Variants in PCDH9 observed in about 807,000 individuals in gnomAD.
The protein encoded by PCDH9 is protocadherin 9, also known as protocadherin-9.
Under a neutral mutation model 70.6 loss-of-function variants are expected in PCDH9, and 24 were observed. The observed-to-expected ratio is 0.34, with a 90% CI of 0.25 to 0.48. PCDH9 has a LOEUF of 0.48. Among genes scored for constraint, PCDH9 ranks in the 20% least tolerant of loss-of-function variants. The pLI, the probability that PCDH9 is intolerant of heterozygous loss-of-function variation, is 0.99. For synonymous variants in PCDH9, 562 were observed against 558.5 expected (o/e 1.01, Z -0.09); for missense variants, 1,281 against 1,503.6 (o/e 0.85, Z 2.45).
At chr13:66,670,764 A>G (rs1217773823) in intron 3 of PCDH9, among the ~76,000 whole-genome samples, 1 of 152,028 alleles carries the variant, frequency 6.6e-6, no homozygotes, top group Non-Finnish European at 1.5e-5. Context: ...TGATGTCCAT[A>G]TGTTATGGAT....
At chr13:66,874,942 T>TGTGTGAGAGA (rs533672911) in intron 3 of PCDH9, among the ~76,000 whole-genome samples, 1 of 109,934 alleles carries the variant, frequency 9.1e-6, no homozygotes, top group Non-Finnish European at 2.2e-5. Context: ...TGTGTGTGTG[T>TGTGTGAGAGA]GAGAGAGAGA....
At chr13:66,714,259 A>C (rs2078838989) in intron 3 of PCDH9, among the ~76,000 whole-genome samples, 1 of 151,958 alleles carries the variant, frequency 6.6e-6, no homozygotes, top group South Asian at 2.1e-4. Flanking sequence ...AGTTCAGGAG[A>C]TCGAGACCAT....
At chr13:66,787,105 G>T (rs533692677) in intron 3 of PCDH9, among the ~76,000 whole-genome samples, 1 of 152,220 alleles carries the variant, frequency 6.6e-6, no homozygotes, top group Non-Finnish European at 1.5e-5. Context: ...ATAAATTATG[G>T]ATTCCTAGTC....
intron 2 of PCDH9, among the ~76,000 whole-genome samples, chr13:67,063,061 A>C (rs899066130): frequency 6.6e-5 from 10 of 152,286 alleles, no homozygotes; most frequent in Middle Eastern, 3.4e-3. Context: ...CAGATTCTTA[A>C]TGGTTTAAAG....
At chr13:66,458,769 A>G (rs1332655045) in intron 4 of PCDH9, among the ~76,000 whole-genome samples, 1 of 152,022 alleles carries the variant, frequency 6.6e-6, no homozygotes, top group African/African-American at 2.4e-5. Context: ...AACCTTTCCT[A>G]TGAGAAAATA....
chr13:67,018,417 G>A (rs970772476), intron 2 of PCDH9, among the ~76,000 whole-genome samples: 4 of 151,964 alleles, frequency 2.6e-5, no homozygotes, highest in South Asian at 2.1e-4. Flanking sequence ...TCAAGAGATC[G>A]AGACCATCCT....
intron 3 of PCDH9, among the ~76,000 whole-genome samples, chr13:66,815,160 T>C (rs765772302): frequency 3.9e-5 from 6 of 152,080 alleles, no homozygotes; most frequent in Non-Finnish European, 7.4e-5. Flanking sequence ...CCAACAAGCA[T>C]ATGAAAAAAC....
chr13:66,419,824 AC>A (rs1957530641), intron 4 of PCDH9, among the ~76,000 whole-genome samples: 1 of 149,536 alleles, frequency 6.7e-6, no homozygotes, highest in Middle Eastern at 3.2e-3. Context: ...ACTGTTCACT[AC>A]CCTGGAAAGG....
chr13:66,416,870 AACG>A (rs1957469558), intron 4 of PCDH9, among the ~76,000 whole-genome samples: 1 of 152,218 alleles, frequency 6.6e-6, no homozygotes, highest in Non-Finnish European at 1.5e-5. Flanking sequence ...ATCCTGAGAA[AACG>A]TCTTGAATGA....
At chr13:67,182,274 A>G (rs1245997426) in intron 2 of PCDH9, among the ~76,000 whole-genome samples, 2 of 152,090 alleles carry the variant, frequency 1.3e-5, no homozygotes, top group African/African-American at 4.8e-5. Flanking sequence ...CCAGACCTAA[A>G]TTTCCCAATT....
intron 2 of PCDH9, among the ~76,000 whole-genome samples, chr13:67,091,267 C>G (rs914097303): frequency 4.6e-5 from 7 of 151,962 alleles, no homozygotes; most frequent in Admixed American, 4.6e-4. Flanking sequence ...TATAAATGTA[C>G]ATAAAAGAGA....
At chr13:66,677,311 T>C (rs924067750) in intron 3 of PCDH9, among the ~76,000 whole-genome samples, 1 of 152,194 alleles carries the variant, frequency 6.6e-6, no homozygotes, top group African/African-American at 2.4e-5. Context: ...ATGTTTTTAA[T>C]ATTTTTTAAA....
chr13:66,582,149 G>T (rs888122041), intron 4 of PCDH9, among the ~76,000 whole-genome samples: 1 of 151,970 alleles, frequency 6.6e-6, no homozygotes, highest in South Asian at 2.1e-4. Flanking sequence ...ATTGCATTCT[G>T]TTCTCTTAAA....
chr13:67,067,157 C>T (rs971553505), intron 2 of PCDH9, among the ~76,000 whole-genome samples: 1 of 152,060 alleles, frequency 6.6e-6, no homozygotes, highest in African/African-American at 2.4e-5. Context: ...CTACTACATG[C>T]TATATTTTCC....
chr13:66,519,536 T>C (rs745328778), intron 4 of PCDH9, among the ~76,000 whole-genome samples: 15 of 151,952 alleles, frequency 9.9e-5, no homozygotes, highest in Non-Finnish European at 2.1e-4. Flanking sequence ...ATACGAAAAA[T>C]AAATGAGTTA....
intron 2 of PCDH9, among the ~76,000 whole-genome samples, chr13:67,120,219 G>T (rs2086851288): frequency 2.4e-5 from 1 of 42,530 alleles, no homozygotes; most frequent in Admixed American, 2.3e-4. Flanking sequence ...AATAATAAAG[G>T]GTCTGAATTG....
chr13:66,868,044 A>G (rs1438527514), intron 3 of PCDH9, among the ~76,000 whole-genome samples: 1 of 152,044 alleles, frequency 6.6e-6, no homozygotes, highest in African/African-American at 2.4e-5. Flanking sequence ...CTAAAATTAA[A>G]ATCTCTTTAA....
At chr13:66,547,371 T>TA (rs1403648222) in intron 4 of PCDH9, among the ~76,000 whole-genome samples, 1 of 152,164 alleles carries the variant, frequency 6.6e-6, no homozygotes, top group Non-Finnish European at 1.5e-5. Flanking sequence ...TTAACGTTTT[T>TA]ATCTTTGTTC....
chr13:67,156,105 C>T (rs530403779), intron 2 of PCDH9, among the ~76,000 whole-genome samples: 113 of 152,080 alleles, frequency 7.4e-4, no homozygotes, highest in South Asian at 1.5e-3. Context: ...AGGGTGTGGT[C>T]CCTGGCTAGG....
Sources: allele counts gnomAD v4.1 joint callset (sites outside exome capture counted in the v4.1 genomes callset), GRCh38; gene constraint gnomAD v4.1.1; transcripts MANE v1.5; gene names NCBI Gene and HGNC (gene_info 2026-07-23, HGNC 2026-07-21).